Variants in GNAL observed in about 807,000 individuals in gnomAD.
The protein encoded by GNAL is G protein subunit alpha L.
In GNAL, 18 loss-of-function variants were observed where a neutral mutation model predicts 55.1. The observed-to-expected ratio is 0.33, with a 90% CI of 0.23 to 0.48. The LOEUF (loss-of-function observed/expected upper bound fraction) is 0.48, where lower values mean the gene tolerates loss of function less well. GNAL is among the 20% of genes least tolerant of loss of function. GNAL has a pLI of 0.99. For synonymous variants in GNAL, 253 were observed against 237.0 expected, an observed-to-expected ratio of 1.07 and a Z score of -0.62; for missense variants, 412 against 614.1, an observed-to-expected ratio of 0.67 and a Z score of 3.48.
At chr18:11,849,657 G>A (rs149461769) in intron 5 of GNAL, among the ~76,000 whole-genome samples, 362 of 152,250 alleles carry the variant, frequency 2.4e-3, no homozygotes, top group African/African-American at 7.8e-3. Context: ...GGGGGCCTAA[G>A]CTCTCTATAT....
At chr18:11,736,826 A>G (rs2032473197) in intron 1 of GNAL, among the ~76,000 whole-genome samples, 1 of 152,230 alleles carries the variant, frequency 6.6e-6, no homozygotes. Flanking sequence ...TTGATTAGTC[A>G]GTAGGACTGT....
chr18:11,776,354 G>C (rs949278241), intron 4 of GNAL, among the ~76,000 whole-genome samples: 2 of 152,060 alleles, frequency 1.3e-5, no homozygotes, highest in Admixed American at 6.6e-5. Context: ...ACAAAAAGAG[G>C]GTTCACACTT....
intron 1 of GNAL, among the ~76,000 whole-genome samples, chr18:11,743,821 T>C (rs1228148729): frequency 6.6e-6 from 1 of 152,238 alleles, no homozygotes; most frequent in African/African-American, 2.4e-5. Context: ...TGATTTCTGG[T>C]TTGTAAAATG....
At position 11,884,399 on chromosome 18, in the gene GNAL, A is replaced by G; in HGVS notation, c.*3264A>G. ...CTTGATTCTAACATGATCTCTGCCC[A>G]AAGTTCCATTTCTTGGGCTTTGATA... On this transcript the variant is annotated 3_prime_UTR_variant, in exon 12 of 12. Transcript: ENST00000334049. 1 of 1,588,510 alleles carries G rather than the reference A, an allele frequency of 6.3e-7. No homozygotes were observed. Among genetic ancestry groups the G allele is most frequent in the Non-Finnish European group, 8.6e-7 (1 of 1,160,420 alleles).
intron 2 of GNAL, 80 bp downstream of exon 2, chr18:11,753,005 C>A: frequency 1.3e-6 from 1 of 749,152 alleles, no homozygotes; most frequent in South Asian, 1.7e-5. Flanking sequence ...TTTCTCTAAA[C>A]AATTTTAATT....
chr18:11,823,511 C>G (rs955651847), intron 4 of GNAL, among the ~76,000 whole-genome samples: 1 of 152,172 alleles, frequency 6.6e-6, no homozygotes, highest in South Asian at 2.1e-4. Context: ...TACTCCCCTT[C>G]CAAGGATTTA....
At position 11,689,507 on chromosome 18, in the gene GNAL, C is replaced by CTT; in HGVS notation, c.-57_-56insTT. 1 of 877,368 alleles carries CTT rather than the reference C, an allele frequency of 1.1e-6. No individual in the cohort carries two copies. The highest frequency in any genetic ancestry group is 1.5e-6 in the Non-Finnish European group (1 of 667,158). The allele number at this position is 877,368 out of a possible 1,614,324, so 54.3% of individuals were successfully genotyped here. ...TGAACTGGGCGCGGGAACCAGGCCG[C>CTT]CCTCGGCGCCCAGCCTGCCCTAGTC... is the stretch of plus-strand genomic sequence containing the variant. On this transcript the variant is annotated 5_prime_UTR_variant, in exon 1 of 12. Transcript: ENST00000334049.
intron 1 of GNAL, among the ~76,000 whole-genome samples, chr18:11,749,580 A>G (rs2032768052): frequency 6.6e-6 from 1 of 152,188 alleles, no homozygotes; most frequent in African/African-American, 2.4e-5. Context: ...TGCCGCAGGT[A>G]CAAGGATAGG....
chr18:11,690,012 G>C, intron 1 of GNAL, 73 bp downstream of exon 1: 1 of 920,862 alleles, frequency 1.1e-6, no homozygotes, highest in Non-Finnish European at 1.4e-6. Context: ...GCGGGCACCG[G>C]GGAGCGGTGG....
intron 4 of GNAL, among the ~76,000 whole-genome samples, chr18:11,812,083 G>A (rs997731613): frequency 6.6e-6 from 1 of 152,186 alleles, no homozygotes; most frequent in Non-Finnish European, 1.5e-5. Context: ...ATGAGTGGGA[G>A]TATTGTGAAA....
At chr18:11,871,031 A>G (rs2848465) in intron 9 of GNAL, among the ~76,000 whole-genome samples, 41,197 of 152,036 alleles carry the variant, frequency 0.27, 6,456 homozygotes, top group African/African-American at 0.43. Flanking sequence ...TTAAAACACT[A>G]TGATCTCGTT....
intron 4 of GNAL, among the ~76,000 whole-genome samples, chr18:11,802,993 G>A (rs901685392): frequency 4.6e-5 from 7 of 152,194 alleles, no homozygotes; most frequent in African/African-American, 1.4e-4. Flanking sequence ...GTCAGATGAC[G>A]AGAGGCTTTA....
chr18:11,731,429 G>A (rs1011303569), intron 1 of GNAL, among the ~76,000 whole-genome samples: 1 of 152,350 alleles, frequency 6.6e-6, no homozygotes, highest in South Asian at 2.1e-4. Flanking sequence ...GATTACAGGC[G>A]TGAGCCACCG....
At chr18:11,699,298 G>T (rs1239268957) in intron 1 of GNAL, among the ~76,000 whole-genome samples, 2 of 151,940 alleles carry the variant, frequency 1.3e-5, no homozygotes, top group South Asian at 2.1e-4. Flanking sequence ...AGGTTCAAGC[G>T]ATTCTCTTGC....
intron 4 of GNAL, among the ~76,000 whole-genome samples, chr18:11,803,972 A>C (rs1196322154): frequency 6.6e-6 from 1 of 151,214 alleles, no homozygotes; most frequent in Non-Finnish European, 1.5e-5. Context: ...TGGATGGAAC[A>C]CGGAGATACT....
At chr18:11,807,755 A>G (rs746701484) in intron 4 of GNAL, among the ~76,000 whole-genome samples, 7 of 152,032 alleles carry the variant, frequency 4.6e-5, no homozygotes, top group Non-Finnish European at 8.8e-5. Flanking sequence ...GTGAGCTTAC[A>G]TAGAGAGGGG....
chr18:11,854,987 C>G (rs992008479), intron 5 of GNAL, among the ~76,000 whole-genome samples: 1 of 152,188 alleles, frequency 6.6e-6, no homozygotes, highest in Non-Finnish European at 1.5e-5. Flanking sequence ...CCACCACGAT[C>G]TCGGCTCACT....
At chr18:11,801,745 C>T (rs771758041) in intron 4 of GNAL, among the ~76,000 whole-genome samples, 9 of 152,000 alleles carry the variant, frequency 5.9e-5, no homozygotes, top group African/African-American at 9.7e-5. Context: ...GGATGTGGCT[C>T]GTGATAGCAA....
chr18:11,697,845 T>G (rs959028456), intron 1 of GNAL, among the ~76,000 whole-genome samples: 6 of 152,184 alleles, frequency 3.9e-5, no homozygotes, highest in African/African-American at 1.4e-4. Context: ...TGAAGGGCCT[T>G]GGATGTCCAG....
Sources: gnomAD v4.1 joint callset for allele counts (sites outside exome capture counted in the v4.1 genomes callset) on GRCh38, gnomAD v4.1.1 for gene constraint, MANE v1.5 for transcripts, NCBI Gene and HGNC (gene_info 2026-07-23, HGNC 2026-07-21) for gene names.